ATP8A2: variants seen among roughly 807,000 people sequenced by gnomAD.
The protein encoded by ATP8A2 is phospholipid-transporting ATPase IB.
In ATP8A2, 100 loss-of-function variants were observed where a neutral mutation model predicts 165.6. The observed-to-expected ratio is 0.60, with a 90% confidence interval of 0.51 to 0.71. The LOEUF (loss-of-function observed/expected upper bound fraction) is 0.71, where lower values mean the gene tolerates loss of function less well. Among genes scored for constraint, ATP8A2 ranks in the 30% least tolerant of loss-of-function variants. The pLI is 0.00. For synonymous variants in ATP8A2, 543 were observed against 548.8 expected (o/e 0.99, Z 0.15); for missense variants, 1,227 against 1,479.5 (o/e 0.83, Z 2.80).
chr13:25,861,247 A>G (rs750636974), intron 32 of ATP8A2, among the ~76,000 whole-genome samples: 2 of 152,126 alleles, frequency 1.3e-5, no homozygotes, highest in African/African-American at 2.4e-5. Flanking sequence ...ACTTCGTTCT[A>G]TGTCTGCATG....
chr13:25,732,830 T>A (rs1327341175), intron 25 of ATP8A2, among the ~76,000 whole-genome samples: 1 of 152,224 alleles, frequency 6.6e-6, no homozygotes, highest in Non-Finnish European at 1.5e-5. Context: ...ATTGCTTTTT[T>A]TTTGTCCCAC....
At chr13:25,512,711 G>T (rs1460991925) in intron 2 of ATP8A2, among the ~76,000 whole-genome samples, 1 of 144,432 alleles carries the variant, frequency 6.9e-6, no homozygotes, top group Non-Finnish European at 1.5e-5. Context: ...CCTCCCGGAC[G>T]GGGCAGCTGG....
intron 33 of ATP8A2, among the ~76,000 whole-genome samples, chr13:25,955,462 G>A (rs1955496956): frequency 6.6e-6 from 1 of 152,188 alleles, no homozygotes; most frequent in Non-Finnish European, 1.5e-5. Context: ...TGATCCCATA[G>A]AAATACAAAC....
At chr13:25,564,916 C>T (rs1029395921) in intron 16 of ATP8A2, among the ~76,000 whole-genome samples, 8 of 149,682 alleles carry the variant, frequency 5.3e-5, no homozygotes, top group South Asian at 4.4e-4. Context: ...TATGCCTTTG[C>T]GTCCTCATAG....
chr13:25,567,812 C>T (rs1049565093), intron 16 of ATP8A2, among the ~76,000 whole-genome samples: 12 of 152,176 alleles, frequency 7.9e-5, no homozygotes, highest in African/African-American at 2.9e-4. Flanking sequence ...ATAGAATAGG[C>T]TCCAATATTT....
intron 24 of ATP8A2, among the ~76,000 whole-genome samples, chr13:25,664,418 A>G (rs1032015457): frequency 6.6e-6 from 1 of 152,160 alleles, no homozygotes; most frequent in Non-Finnish European, 1.5e-5. Context: ...AGTTGGTCAC[A>G]TGATCTTGCC....
At chr13:25,531,325 GAT>G (rs57098297) in intron 4 of ATP8A2, among the ~76,000 whole-genome samples, 1,429 of 71,638 alleles carry the variant, frequency 0.02, 52 homozygotes, top group African/African-American at 0.026. Context: ...TGTTATATAT[GAT>G]ATATATATGT....
intron 33 of ATP8A2, among the ~76,000 whole-genome samples, chr13:25,882,910 G>GATGATC (rs1372686974): frequency 7.4e-6 from 1 of 135,758 alleles, no homozygotes; most frequent in Non-Finnish European, 1.6e-5. Flanking sequence ...TGATGATGAT[G>GATGATC]ATGATGATGA....
chr13:26,008,093 C>T (rs1956779033), intron 35 of ATP8A2, among the ~76,000 whole-genome samples: 1 of 152,070 alleles, frequency 6.6e-6, no homozygotes, highest in Non-Finnish European at 1.5e-5. Context: ...ATTGATGTAA[C>T]CCACAGGGCC....
chr13:25,968,589 G>T lies in ATP8A2; in HGVS notation c.3287G>T (p.Cys1096Phe), dbSNP rs1329858578. The change falls in exon 35 of 37, where the codon TGC (cysteine) becomes TTC (phenylalanine). Residue 1096 changes from cysteine to phenylalanine, a missense_variant. Cys to Phe is a radical substitution (Grantham distance 205). Transcript: ENST00000381655. ...DVAWRAAKHTCKKTLLEEVQE... is the reference protein window; with the variant it reads ...DVAWRAAKHTFKKTLLEEVQE... ...TCATAACACAGAGCCAAGCACACCT[G>T]CAAAAAGACATTGCTGGAGGAGGTG... 6.2e-6 allele frequency: 10 copies of T among 1,613,516 alleles called. No individual in the cohort carries two copies. The highest frequency in any genetic ancestry group is 8.5e-6 in the Non-Finnish European group (10 of 1,179,914).
intron 1 of ATP8A2, among the ~76,000 whole-genome samples, chr13:25,387,155 C>T (rs78793246): frequency 0.026 from 3,891 of 152,122 alleles, 84 homozygotes; most frequent in South Asian, 0.1. Flanking sequence ...GAAACATTGC[C>T]GAGGTGATTC....
chr13:25,657,178 C>T (rs989073136), intron 24 of ATP8A2, among the ~76,000 whole-genome samples: 2 of 151,432 alleles, frequency 1.3e-5, no homozygotes, highest in African/African-American at 2.4e-5. Context: ...TTTATAACTC[C>T]AGAAAGCCAC....
intron 2 of ATP8A2, among the ~76,000 whole-genome samples, chr13:25,521,732 A>G (rs577326166): frequency 1.1e-4 from 16 of 151,190 alleles, no homozygotes; most frequent in Admixed American, 1.1e-3. Flanking sequence ...TTTTTAAGAG[A>G]TGGGGTCTCA....
chr13:25,855,439 C>T (rs1952134898), intron 30 of ATP8A2, among the ~76,000 whole-genome samples: 1 of 152,138 alleles, frequency 6.6e-6, no homozygotes, highest in Non-Finnish European at 1.5e-5. Context: ...CATGTTGTAG[C>T]ATGTATCAGT....
At chr13:25,792,526 C>T (rs1432523458) in intron 27 of ATP8A2, among the ~76,000 whole-genome samples, 1 of 152,118 alleles carries the variant, frequency 6.6e-6, no homozygotes, top group Non-Finnish European at 1.5e-5. Flanking sequence ...TTACCGACTA[C>T]CACTTTCCTG....
rs763370928 is a variant in ATP8A2 at position 25,372,567 on chromosome 13, C to CGG, written c.76+280_76+281dup. Among the ~76,000 whole-genome samples the CGG allele has an allele frequency of 2.0e-5, 3 of 152,034 alleles. No individual in the cohort carries two copies. Among genetic ancestry groups the CGG allele is most frequent in the Non-Finnish European group, 4.4e-5 (3 of 67,958 alleles). ...CTGTACAGATGTGTGTGTGTGTGTGCGGCCTCCCTGTGCGCGTGCCCGTGC... is the reference window on the plus strand; with the variant it reads ...CTGTACAGATGTGTGTGTGTGTGTGCGGGGCCTCCCTGTGCGCGTGCCCGTGC... On this transcript the variant is annotated intron_variant, in intron 1 of 36. Transcript: ENST00000381655. This position sits in a 1 kb window ranked among gnomAD's most constrained non-coding sequence, Gnocchi z 4.8.
chr13:25,640,715 A>G (rs137966329), intron 24 of ATP8A2, among the ~76,000 whole-genome samples: 5,259 of 152,310 alleles, frequency 0.035, 156 homozygotes, highest in East Asian at 0.13. Flanking sequence ...AATGATTCCA[A>G]TCAATAGAAA....
intron 19 of ATP8A2, among the ~76,000 whole-genome samples, chr13:25,576,010 C>CT (rs2039608239): frequency 6.6e-6 from 1 of 152,116 alleles, no homozygotes; most frequent in South Asian, 2.1e-4. Context: ...AGTGGTGAGT[C>CT]TATTTCTTTT....
At chr13:25,782,173 A>G (rs1460549038) in intron 27 of ATP8A2, among the ~76,000 whole-genome samples, 2 of 152,244 alleles carry the variant, frequency 1.3e-5, no homozygotes, top group Non-Finnish European at 2.9e-5. Flanking sequence ...GTAAAAGATA[A>G]AATCCTAATA....
Sources: gnomAD v4.1 joint callset for allele counts (sites outside exome capture counted in the v4.1 genomes callset) on GRCh38, gnomAD v4.1.1 for gene constraint, Gnocchi (gnomAD v3.1) non-coding constraint, MANE v1.5 for transcripts, NCBI Gene and HGNC (gene_info 2026-07-23, HGNC 2026-07-21) for gene names.